Variants in SLC2A14 observed in about 807,000 individuals in gnomAD.
SLC2A14 encodes the protein solute carrier family 2 member 14.
Under a neutral mutation model 43.0 loss-of-function variants are expected in SLC2A14, and 13 were observed. That is an observed-to-expected ratio of 0.30 (90% CI 0.20 to 0.48). The LOEUF is 0.48. Ranked by LOEUF, SLC2A14 falls within the 20% of genes least tolerant of loss-of-function variation. The pLI is 0.99. For missense variants in SLC2A14, 428 were observed against 620.4 expected (o/e 0.69, Z 3.29); for synonymous variants, 190 against 233.8 (o/e 0.81, Z 1.71).
intron 2 of SLC2A14, among the ~76,000 whole-genome samples, chr12:7,861,366 G>T (rs1265663247): frequency 9.2e-5 from 14 of 152,046 alleles, no homozygotes; most frequent in Non-Finnish European, 2.9e-5. Context: ...AGCTTCCAGG[G>T]ATTAATTTCT....
intron 2 of SLC2A14, among the ~76,000 whole-genome samples, chr12:7,866,465 A>T (rs1471636245): frequency 6.6e-6 from 1 of 151,912 alleles, no homozygotes; most frequent in African/African-American, 2.4e-5. Flanking sequence ...CCTGGGTTCA[A>T]GCTATTGTCC....
At chr12:7,879,774 G>C (rs150514369) in intron 1 of SLC2A14, among the ~76,000 whole-genome samples, 1 of 152,110 alleles carries the variant, frequency 6.6e-6, no homozygotes, top group African/African-American at 2.4e-5. Flanking sequence ...GGAGGGCAAA[G>C]CAGGAGGAAC....
Position 7,832,710 on chromosome 12 carries a change from C to G in SLC2A14, c.111+12G>C. ...CTATTCCAGATTCTAATTCTTGTGG[C>G]CTGGCACTCACCGTCTCAGGAGCAT... On this transcript the variant is annotated intron_variant, in intron 3 of 10. Coordinates refer to ENST00000431042, the MANE Select transcript of SLC2A14 (RefSeq NM_001286234.2). The G allele has an allele frequency of 6.2e-7, 1 of 1,612,880 alleles. No individual in the cohort carries two copies. Among genetic ancestry groups the G allele is most frequent in the Non-Finnish European group, 8.5e-7 (1 of 1,179,078 alleles).
intron 5 of SLC2A14, among the ~76,000 whole-genome samples, chr12:7,829,214 A>C (rs1864782304): frequency 6.6e-6 from 1 of 152,084 alleles, no homozygotes; most frequent in Non-Finnish European, 1.5e-5. Flanking sequence ...TCCGTCTCAG[A>C]AACAAAACAA....
In SLC2A14 at chr12:7,812,822, A is replaced by T. The variant is rs1161376290; in HGVS notation, c.*1494T>A. On this transcript the variant is annotated 3_prime_UTR_variant, in exon 11 of 11. Coordinates refer to ENST00000431042, the MANE Select transcript of SLC2A14 (RefSeq NM_001286234.2). ...GGGTCTGAGATGTGTAAGCACCAAG[A>T]AGGGAAAGGGAGACTGAGCAACATA... The T allele has an allele frequency of 6.6e-6, 1 of 152,172 alleles. No individual in the cohort carries two copies. The highest frequency in any genetic ancestry group is 1.9e-4 in the East Asian group (1 of 5,198). The allele number at this position is 152,172 out of a possible 1,614,324, so 9.4% of individuals were successfully genotyped here.
At position 7,814,222 on chromosome 12, in the gene SLC2A14, A is replaced by T; in HGVS notation, c.*94T>A. 7 of 1,441,960 alleles carry T rather than the reference A, an allele frequency of 4.9e-6. No homozygotes were observed. Among genetic ancestry groups the T allele is most frequent in the Non-Finnish European group, 6.6e-6 (7 of 1,060,916 alleles). 89.3% of individuals were successfully genotyped at this position (1,441,960 alleles called of 1,614,324 possible). Reference sequence around the variant, plus strand: ...AGAAAGAAATCAAGTAGCAGCATTCAGAAGCAGTCCTGGGTTCATCCTGAT... The same window carrying T: ...AGAAAGAAATCAAGTAGCAGCATTCTGAAGCAGTCCTGGGTTCATCCTGAT... On this transcript the variant is annotated 3_prime_UTR_variant, in exon 11 of 11. Coordinates refer to ENST00000431042, the MANE Select transcript of SLC2A14 (RefSeq NM_001286234.2).
At chr12:7,858,619 C>A (rs1944382246) in intron 2 of SLC2A14, among the ~76,000 whole-genome samples, 1 of 152,176 alleles carries the variant, frequency 6.6e-6, no homozygotes, top group Non-Finnish European at 1.5e-5. Flanking sequence ...CCTGCCTCAG[C>A]CTCCCGAGTA....
At chr12:7,874,993 T>C (rs1217471553), upstream of SLC2A14, among the ~76,000 whole-genome samples, 6 of 96,056 alleles carry the variant, frequency 6.2e-5, no homozygotes, top group East Asian at 2.7e-4. Context: ...ATATATAAAT[T>C]ATATATAAAT....
At chr12:7,816,702 C>T (rs777968414) in intron 10 of SLC2A14, among the ~76,000 whole-genome samples, 2 of 151,612 alleles carry the variant, frequency 1.3e-5, no homozygotes, top group East Asian at 2.0e-4. Context: ...TGTCTCTATT[C>T]GTAAATTGTT....
At chr12:7,825,736 T>TG (rs920703135) in intron 7 of SLC2A14, among the ~76,000 whole-genome samples, 1 of 138,916 alleles carries the variant, frequency 7.2e-6, no homozygotes, top group Non-Finnish European at 1.5e-5. Context: ...CACTCTAGCC[T>TG]GGGTGACAAA....
chr12:7,882,092 C>T (rs1046051936), intron 1 of SLC2A14, among the ~76,000 whole-genome samples: 1 of 152,058 alleles, frequency 6.6e-6, no homozygotes, highest in Non-Finnish European at 1.5e-5. Context: ...CACTTGGAGG[C>T]TTTGTTCTTT....
chr12:7,878,967 A>C (rs1215172882), intron 1 of SLC2A14, among the ~76,000 whole-genome samples: 1 of 110,514 alleles, frequency 9.0e-6, no homozygotes, highest in Admixed American at 1.4e-4. Flanking sequence ...ACACAGCAAG[A>C]GTCCGTCTCA....
intron 1 of SLC2A14, among the ~76,000 whole-genome samples, chr12:7,888,797 C>CAAAAAAAAA (rs138233883): frequency 3.8e-5 from 4 of 104,314 alleles, no homozygotes; most frequent in South Asian, 3.1e-4. Context: ...GACTCCGTCT[C>CAAAAAAAAA]AAAAAAAAAA....
chr12:7,833,916 C>T (rs1238797968), intron 2 of SLC2A14, among the ~76,000 whole-genome samples: 4 of 152,114 alleles, frequency 2.6e-5, no homozygotes, highest in Non-Finnish European at 5.9e-5. Flanking sequence ...AATTTCTATA[C>T]CTGAAGCCAT....
At chr12:7,825,969 CTTTT>C (rs765257339) in intron 7 of SLC2A14, among the ~76,000 whole-genome samples, 1 of 145,026 alleles carries the variant, frequency 6.9e-6, no homozygotes, top group Non-Finnish European at 1.5e-5. Context: ...TTTATTCTTT[CTTTT>C]TTTTTTTAAA....
intron 2 of SLC2A14, among the ~76,000 whole-genome samples, chr12:7,836,357 A>G (rs1865459835): frequency 6.6e-6 from 1 of 151,888 alleles, no homozygotes; most frequent in Non-Finnish European, 1.5e-5. Flanking sequence ...AGTAGCTGGG[A>G]CTACAAGCGT....
At chr12:7,849,796 G>A (rs370642927) in intron 2 of SLC2A14, among the ~76,000 whole-genome samples, 5 of 151,434 alleles carry the variant, frequency 3.3e-5, no homozygotes, top group South Asian at 4.2e-4. Flanking sequence ...CCAGCTACTC[G>A]GGAGGCCTTG....
chr12:7,855,798 G>A (rs1489546120), intron 2 of SLC2A14, among the ~76,000 whole-genome samples: 8 of 151,532 alleles, frequency 5.3e-5, no homozygotes, highest in Non-Finnish European at 1.2e-4. Flanking sequence ...CCACCAGCCC[G>A]GCTAATTTTT....
intron 2 of SLC2A14, chr12:7,863,422 T>C (rs770946942): frequency 6.6e-6 from 3 of 453,482 alleles, no homozygotes; most frequent in South Asian, 4.7e-5. Context: ...AACCCACCAA[T>C]TCCAGACACA....
Sources: gnomAD v4.1 joint callset for allele counts (sites outside exome capture counted in the v4.1 genomes callset) on GRCh38, gnomAD v4.1.1 for gene constraint, MANE v1.5 for transcripts, NCBI Gene and HGNC (gene_info 2026-07-23, HGNC 2026-07-21) for gene names.